The following PITPNM2 variants were observed in gnomAD, a reference collection of about 807,000 sequenced individuals.
The protein encoded by PITPNM2 is phosphatidylinositol transfer protein membrane associated 2.
In PITPNM2, 35 loss-of-function variants were observed where a neutral mutation model predicts 132.2. That is an observed-to-expected ratio of 0.26 (90% CI 0.20 to 0.35). The LOEUF (loss-of-function observed/expected upper bound fraction) is 0.35, where lower values mean the gene tolerates loss of function less well. PITPNM2 is among the 10% of genes least tolerant of loss of function. The pLI, the probability that PITPNM2 is intolerant of heterozygous loss-of-function variation, is 1.00. For synonymous variants in PITPNM2, 738 were observed against 799.2 expected, an observed-to-expected ratio of 0.92 and a Z score of 1.29; for missense variants, 1,332 against 1,912.0, an observed-to-expected ratio of 0.70 and a Z score of 5.66.
intron 3 of PITPNM2, among the ~76,000 whole-genome samples, chr12:123,016,658 A>G (rs2039438732): frequency 6.6e-6 from 1 of 152,204 alleles, no homozygotes; most frequent in Non-Finnish European, 1.5e-5. Flanking sequence ...TATTCAAAAA[A>G]ACCTAGAAAA....
rs2041337715 is a variant in PITPNM2, at chr12:123,064,157, G to A, written c.-95-29472C>T. ...TATGCATTATTGCCAGCCTTCCCAG[G>A]GTTGGGGCCGTTGCTCACTGTTTCG... On this transcript the variant is annotated intron_variant, in intron 2 of 25. Transcript: ENST00000320201. This position sits in a 1 kb window ranked among gnomAD's most constrained non-coding sequence, Gnocchi z 4.0. Among the ~76,000 whole-genome samples, 1 of 152,216 alleles carries A rather than the reference G, an allele frequency of 6.6e-6. No individual in the cohort carries two copies. Among genetic ancestry groups the A allele is most frequent in the Non-Finnish European group, 1.5e-5 (1 of 68,034 alleles).
intron 2 of PITPNM2, among the ~76,000 whole-genome samples, chr12:123,039,815 A>G (rs2040399997): frequency 6.6e-6 from 1 of 152,152 alleles, no homozygotes; most frequent in African/African-American, 2.4e-5. Context: ...CTTGCCACTC[A>G]ATTTTGCTGT....
At chr12:123,115,536 C>T (rs528911713) in intron 1 of PITPNM2, among the ~76,000 whole-genome samples, 59 of 152,102 alleles carry the variant, frequency 3.9e-4, no homozygotes, top group African/African-American at 8.0e-4. Context: ...ACCCAATACG[C>T]GCCCGCACAC....
At chr12:123,137,271 G>A (rs1475242404) in intron 1 of PITPNM2, among the ~76,000 whole-genome samples, 4 of 152,112 alleles carry the variant, frequency 2.6e-5, no homozygotes, top group Non-Finnish European at 5.9e-5. Context: ...CAAGAGCCAG[G>A]ACACATACCT....
chr12:123,107,429 T>G (rs529048262), intron 2 of PITPNM2, among the ~76,000 whole-genome samples: 48 of 152,282 alleles, frequency 3.2e-4, no homozygotes, highest in Middle Eastern at 3.4e-3. Flanking sequence ...AGCCAGGCAG[T>G]AGGAGACACA....
intron 1 of PITPNM2, among the ~76,000 whole-genome samples, chr12:123,125,791 G>A (rs1417232050): frequency 3.8e-5 from 5 of 131,364 alleles, no homozygotes; most frequent in Non-Finnish European, 6.3e-5. Context: ...GCAGTGAGCC[G>A]AGATTACTCC....
chr12:123,027,054 A>G (rs962377361), intron 3 of PITPNM2, among the ~76,000 whole-genome samples: 9 of 152,038 alleles, frequency 5.9e-5, no homozygotes, highest in African/African-American at 1.9e-4. Flanking sequence ...AGTGCCCACA[A>G]TGGCCTCCTG....
At chr12:123,088,374 T>C (rs1258003800) in intron 2 of PITPNM2, 3 of 152,160 alleles carry the variant, frequency 2.0e-5, no homozygotes, top group Admixed American at 6.6e-5. Flanking sequence ...TCCTGGCATT[T>C]AGCACCACCA....
chr12:123,079,962 C>T (rs778790682), intron 2 of PITPNM2, among the ~76,000 whole-genome samples: 4 of 152,200 alleles, frequency 2.6e-5, no homozygotes, highest in Non-Finnish European at 5.9e-5. Context: ...AACCAATCTA[C>T]TCTCTGTCTG....
chr12:123,021,249 G>A (rs1592950403), intron 3 of PITPNM2, among the ~76,000 whole-genome samples: 1 of 152,280 alleles, frequency 6.6e-6, no homozygotes, highest in East Asian at 1.9e-4. Context: ...ACAAGGTCCA[G>A]GCAAAAGGGA....
intron 2 of PITPNM2, among the ~76,000 whole-genome samples, chr12:123,048,574 G>A (rs902344425): frequency 3.3e-5 from 5 of 151,962 alleles, no homozygotes; most frequent in African/African-American, 9.7e-5. Context: ...CACCGCGCCC[G>A]GCTAATTTTT....
chr12:123,068,992 C>T (rs2041537085), intron 2 of PITPNM2, among the ~76,000 whole-genome samples: 1 of 152,190 alleles, frequency 6.6e-6, no homozygotes, highest in African/African-American at 2.4e-5. Flanking sequence ...GTGGCTCACA[C>T]CCTTAATCCC....
intron 23 of PITPNM2, 133 bp downstream of exon 23, chr12:122,987,148 A>T: frequency 7.8e-7 from 1 of 1,276,168 alleles, no homozygotes; most frequent in African/African-American, 1.5e-5. Flanking sequence ...CTCTGAACTG[A>T]GGTCCTTAAG....
At position 123,150,036 on chromosome 12, in the gene PITPNM2, C is replaced by T. The variant is rs1209647614; in HGVS notation, c.-200+717G>A. On this transcript the variant is annotated intron_variant, in intron 1 of 25. Coordinates refer to ENST00000320201, the MANE Select transcript of PITPNM2 (RefSeq NM_020845.3). This position sits in a 1 kb window ranked among gnomAD's most constrained non-coding sequence, Gnocchi z 6.0. Reference sequence around the variant, plus strand: ...AAGGGGACAAGCCTGGAGGACTTGCCTTGAAATGACATTTGCACCGCGCGC... The same window carrying T: ...AAGGGGACAAGCCTGGAGGACTTGCTTTGAAATGACATTTGCACCGCGCGC... 1.3e-5 allele frequency: 2 copies of T among 152,214 alleles called. No homozygotes were observed. The highest frequency in any genetic ancestry group is 2.4e-5 in the African/African-American group (1 of 41,396). 9.4% of individuals were successfully genotyped at this position (152,214 alleles called of 1,614,324 possible). A position where few individuals can be genotyped will look rare whatever the true frequency, so the allele number is the denominator to read the frequency against.
intron 1 of PITPNM2, among the ~76,000 whole-genome samples, chr12:123,133,909 T>C (rs1336314671): frequency 6.6e-6 from 1 of 152,182 alleles, no homozygotes; most frequent in East Asian, 1.9e-4. Flanking sequence ...CTTGAACTCC[T>C]GACCTCAGGT....
In PITPNM2 at chr12:122,984,972, G is replaced by A. The variant is rs922061414; in HGVS notation, c.*1055C>T. On this transcript the variant is annotated 3_prime_UTR_variant, in exon 26 of 26. Coordinates refer to ENST00000320201, the MANE Select transcript of PITPNM2 (RefSeq NM_020845.3). ...GGCTTCTTAGATTCGGCATGAAAACGGAATTGGCATTAAAAAAACCGAAGT... is the reference window on the plus strand; with the variant it reads ...GGCTTCTTAGATTCGGCATGAAAACAGAATTGGCATTAAAAAAACCGAAGT... 2.0e-5 allele frequency: 3 copies of A among 152,290 alleles called. No homozygotes were observed. The highest frequency in any genetic ancestry group is 7.2e-5 in the African/African-American group (3 of 41,438). The allele number at this position is 152,290 out of a possible 1,614,324, so 9.4% of individuals were successfully genotyped here. A position where few individuals can be genotyped will look rare whatever the true frequency, so the allele number is the denominator to read the frequency against.
Position 122,987,570 on chromosome 12 carries a change from G to A in PITPNM2, c.3204C>T (p.Tyr1068=), listed in dbSNP as rs760557463. 2 of 1,613,974 alleles carry A rather than the reference G, an allele frequency of 1.2e-6. No homozygotes were observed. The highest frequency in any genetic ancestry group is 2.2e-5 in the South Asian group (2 of 91,090). Residue 1068 remains tyrosine (Y), a synonymous_variant, in exon 22 of 26, where the codon TAC becomes TAT. Transcript: ENST00000320201. ...LVTNNSGRVS[Y]TIPESHRLGV... The stretch of plus-strand genomic sequence containing the variant: ...CCAGGCGGTGCGACTCAGGGATGGT[G>A]TAGGAGACACGCCCACTGTTGTTGG...
chr12:123,038,588 T>C (rs759013175), intron 2 of PITPNM2, among the ~76,000 whole-genome samples: 3 of 152,202 alleles, frequency 2.0e-5, no homozygotes, highest in Admixed American at 6.5e-5. Context: ...CTGAGATCCA[T>C]GGGATTCTGC....
intron 3 of PITPNM2, among the ~76,000 whole-genome samples, chr12:123,028,662 A>G (rs2039955404): frequency 6.6e-6 from 1 of 152,222 alleles, no homozygotes; most frequent in Admixed American, 6.5e-5. Context: ...CTGACATACA[A>G]TAAGCTGTAC....
Sources: allele counts gnomAD v4.1 joint callset (sites outside exome capture counted in the v4.1 genomes callset), GRCh38; gene constraint gnomAD v4.1.1; non-coding constraint Gnocchi (gnomAD v3.1); transcripts MANE v1.5; gene names NCBI Gene and HGNC (gene_info 2026-07-23, HGNC 2026-07-21).